AFF3: variants seen among roughly 807,000 people sequenced by gnomAD.
AFF3 encodes the protein AF4/FMR2 family member 3.
AFF3 carries 32 observed loss-of-function variants against 129.7 expected under a neutral mutation model. The ratio of observed to expected loss-of-function variants is 0.25; its 90% confidence interval spans 0.19 to 0.33. AFF3 has a LOEUF of 0.33. Ranked by LOEUF, AFF3 falls within the 10% of genes least tolerant of loss-of-function variation. The pLI is 1.00. For synonymous variants in AFF3, 644 were observed against 635.4 expected, an observed-to-expected ratio of 1.01 and a Z score of -0.20; for missense variants, 1,373 against 1,592.0, an observed-to-expected ratio of 0.86 and a Z score of 2.34.
rs977403172 is a variant in AFF3, at chr2:99,744,109, T to A, written c.1034A>T (p.Asn345Ile). The A allele has an allele frequency of 1.2e-6, 2 of 1,605,970 alleles. No individual in the cohort carries two copies. The highest frequency in any genetic ancestry group is 1.7e-6 in the Non-Finnish European group (2 of 1,176,146). ...DSQLVSSGHN[N>I]PKKGDAEPES... ...CAGAGCGAAGTCTTTCTTACTTGGA[T>A]TATTGTGTCCAGAGGATACAAGCTG... Residue 345 changes from asparagine (N) to isoleucine (I), a missense_variant, in exon 10 of 25, where the codon AAT becomes ATT. Physicochemically the swap from Asn to Ile is moderately radical, Grantham distance 149. This residue lies in a region of AFF3 where 413 missense variants were observed against 424.4 expected (regional missense o/e 0.97). Coordinates refer to ENST00000672756, the MANE Select transcript of AFF3 (RefSeq NM_001386135.1).
rs539923085 is a variant in AFF3 at position 99,545,816 on chromosome 2, C to T, written c.*5658G>A. 5.5e-5 allele frequency: 10 copies of T among 180,248 alleles called. No individual in the cohort carries two copies. Among genetic ancestry groups the T allele is most frequent in the Middle Eastern group, 2.1e-3 (1 of 480 alleles). The allele number at this position is 180,248 out of a possible 1,614,324, so 11.2% of individuals were successfully genotyped here. A position where few individuals can be genotyped will look rare whatever the true frequency, so the allele number is the denominator to read the frequency against. The stretch of plus-strand genomic sequence containing the variant: ...ACACAAAATTTACCCCCTGCTGCCT[C>T]GGAGTGCCAATTAAAATAATAAAAA... On this transcript the variant is annotated 3_prime_UTR_variant, in exon 25 of 25. Transcript: ENST00000672756.
intron 8 of AFF3, among the ~76,000 whole-genome samples, chr2:99,777,947 C>CAAAAAAAAAAAA (rs576434643): frequency 2.7e-4 from 13 of 48,342 alleles, no homozygotes; most frequent in African/African-American, 3.7e-4. Context: ...AAAGCAAAAG[C>CAAAAAAAAAAAA]AAAAAAAAAA....
intron 4 of AFF3, among the ~76,000 whole-genome samples, chr2:100,041,477 C>A (rs996567605): frequency 6.6e-6 from 1 of 152,144 alleles, no homozygotes; most frequent in Non-Finnish European, 1.5e-5. Flanking sequence ...AATCAAATAA[C>A]CTCCATGCCA....
At chr2:100,109,626 T>C (rs1425185186) in intron 2 of AFF3, among the ~76,000 whole-genome samples, 1 of 152,200 alleles carries the variant, frequency 6.6e-6, no homozygotes, top group Non-Finnish European at 1.5e-5. Flanking sequence ...TTCATGCAAG[T>C]TTCAAGGACT....
intron 18 of AFF3, among the ~76,000 whole-genome samples, chr2:99,569,627 C>T (rs977149070): frequency 6.6e-6 from 1 of 152,140 alleles, no homozygotes; most frequent in African/African-American, 2.4e-5. Flanking sequence ...GAAGGTAACT[C>T]ATCCAGAGAC....
At chr2:100,071,321 T>C (rs907666588) in intron 4 of AFF3, among the ~76,000 whole-genome samples, 12 of 152,186 alleles carry the variant, frequency 7.9e-5, no homozygotes, top group Admixed American at 7.9e-4. Flanking sequence ...CTGAGATATC[T>C]TTTACACGAA....
chr2:99,871,323 G>A (rs1393440717), intron 7 of AFF3, among the ~76,000 whole-genome samples: 1 of 152,186 alleles, frequency 6.6e-6, no homozygotes, highest in Non-Finnish European at 1.5e-5. Flanking sequence ...GGACAGCAAA[G>A]TGCCTGGCAT....
chr2:99,581,992 C>T (rs369325200), intron 17 of AFF3, among the ~76,000 whole-genome samples: 4 of 151,186 alleles, frequency 2.6e-5, no homozygotes, highest in Admixed American at 1.3e-4. Context: ...ATAGCTGGGA[C>T]TACAGGCGCC....
intron 7 of AFF3, among the ~76,000 whole-genome samples, chr2:99,936,294 C>T (rs1250560411): frequency 6.6e-6 from 1 of 152,096 alleles, no homozygotes; most frequent in Admixed American, 6.5e-5. Context: ...GCTATGTGGG[C>T]AGGAATCCCC....
At chr2:99,927,211 A>G (rs1696315321) in intron 7 of AFF3, among the ~76,000 whole-genome samples, 1 of 152,336 alleles carries the variant, frequency 6.6e-6, no homozygotes, top group Admixed American at 6.5e-5. Flanking sequence ...TTTCTAAGTG[A>G]GTCAGAAACA....
In AFF3 at chr2:99,758,501, G is replaced by A. The variant is rs900277601; in HGVS notation, c.922-6200C>T. On this transcript the variant is annotated intron_variant, in intron 8 of 24. Transcript: ENST00000672756. ...CTCGGGCAGCTGAGGCACAAGAATC[G>A]CTTGAACCTGGGAGGCAGAGGTTGC... is the stretch of plus-strand genomic sequence containing the variant. Among the ~76,000 whole-genome samples, 9 of 148,586 alleles carry A rather than the reference G, an allele frequency of 6.1e-5. 1 individual carries two copies. The highest frequency in any genetic ancestry group is 4.1e-4 in the Admixed American group (6 of 14,554).
chr2:99,633,586 TG>T (rs1356473014), intron 13 of AFF3, among the ~76,000 whole-genome samples: 1 of 152,220 alleles, frequency 6.6e-6, no homozygotes, highest in Non-Finnish European at 1.5e-5. Flanking sequence ...GTTTTGGGCC[TG>T]GTGGGAGGTG....
intron 11 of AFF3, among the ~76,000 whole-genome samples, chr2:99,703,047 GA>G (rs1423932214): frequency 6.6e-6 from 1 of 152,168 alleles, no homozygotes; most frequent in Non-Finnish European, 1.5e-5. Context: ...GCTGCTATAA[GA>G]AATTACACAA....
chr2:99,961,111 A>T (rs1677171102), intron 7 of AFF3, among the ~76,000 whole-genome samples: 1 of 152,052 alleles, frequency 6.6e-6, no homozygotes, highest in African/African-American at 2.4e-5. Context: ...AGCATTTTAA[A>T]AGCCACTCAT....
At chr2:100,092,862 G>C (rs1033399602) in intron 4 of AFF3, among the ~76,000 whole-genome samples, 2 of 151,226 alleles carry the variant, frequency 1.3e-5, no homozygotes, top group African/African-American at 2.4e-5. Context: ...ACAGGATTTG[G>C]GGCAGGTAAA....
intron 1 of AFF3, among the ~76,000 whole-genome samples, chr2:100,136,765 C>T (rs1343609999): frequency 6.6e-6 from 1 of 152,144 alleles, no homozygotes; most frequent in Non-Finnish European, 1.5e-5. Context: ...ATCAAGTCCT[C>T]TCCCTCCCCA....
chr2:99,936,610 T>C (rs1173023153), intron 7 of AFF3, among the ~76,000 whole-genome samples: 1 of 152,048 alleles, frequency 6.6e-6, no homozygotes, highest in Non-Finnish European at 1.5e-5. Context: ...TACCCAAAAC[T>C]AAAGGGACAA....
chr2:100,105,671 C>CT (rs1238487290), intron 2 of AFF3, 88 bp from the exon 3 acceptor site: 3 of 1,347,966 alleles, frequency 2.2e-6, no homozygotes, highest in South Asian at 2.5e-5. Flanking sequence ...CCCTGGCTTA[C>CT]TTTTTTAGAC....
chr2:100,095,668 G>C (rs530293424), intron 4 of AFF3, among the ~76,000 whole-genome samples: 2 of 152,318 alleles, frequency 1.3e-5, no homozygotes, highest in East Asian at 3.9e-4. Context: ...GAAAATGTGT[G>C]TATGTGCACT....
Sources: gnomAD v4.1 joint callset for allele counts (sites outside exome capture counted in the v4.1 genomes callset) on GRCh38, gnomAD v4.1.1 for gene constraint, gnomAD v4.1.1 regional missense constraint, MANE v1.5 for transcripts, NCBI Gene and HGNC (gene_info 2026-07-23, HGNC 2026-07-21) for gene names.